Variants in PAFAH1B1 observed in about 807,000 individuals in gnomAD.
PAFAH1B1 encodes platelet activating factor acetylhydrolase 1b regulatory subunit 1.
Under a neutral mutation model 57.5 loss-of-function variants are expected in PAFAH1B1, and 2 were observed. That is an observed-to-expected ratio of 0.03 (90% CI 0.01 to 0.11). PAFAH1B1 has a LOEUF of 0.11. Among genes scored for constraint, PAFAH1B1 ranks in the 10% least tolerant of loss-of-function variants. The pLI is 1.00. For missense variants in PAFAH1B1, 257 were observed against 512.0 expected (o/e 0.50, Z 4.81); for synonymous variants, 152 against 169.6 (o/e 0.90, Z 0.81).
chr17:2,618,471 AAG>A (rs1378561509), intron 1 of PAFAH1B1, among the ~76,000 whole-genome samples: 4 of 152,154 alleles, frequency 2.6e-5, no homozygotes, highest in Non-Finnish European at 4.4e-5. Context: ...TAAGGAAATG[AAG>A]TTACTCTTAC....
At chr17:2,627,644 G>C (rs2068509325) in intron 1 of PAFAH1B1, among the ~76,000 whole-genome samples, 1 of 152,132 alleles carries the variant, frequency 6.6e-6, no homozygotes, top group African/African-American at 2.4e-5. Flanking sequence ...GTATTTTGAT[G>C]GGGATTGTGT....
chr17:2,610,328 G>T (rs2068253698), intron 1 of PAFAH1B1, among the ~76,000 whole-genome samples: 1 of 152,156 alleles, frequency 6.6e-6, no homozygotes, highest in African/African-American at 2.4e-5. Flanking sequence ...AAAAGATAAA[G>T]ATAAAGTCAA....
chr17:2,662,240 G>T (rs1023885073), intron 2 of PAFAH1B1, among the ~76,000 whole-genome samples: 11 of 152,218 alleles, frequency 7.2e-5, no homozygotes, highest in African/African-American at 2.4e-4. Context: ...CGTTATGTTT[G>T]TAATAGTTTG....
intron 1 of PAFAH1B1, among the ~76,000 whole-genome samples, chr17:2,620,733 G>A (rs1488390408): frequency 2.0e-5 from 3 of 151,992 alleles, no homozygotes; most frequent in Admixed American, 6.6e-5. Flanking sequence ...ATGGTGGCGC[G>A]TACCTGTAAT....
intron 1 of PAFAH1B1, among the ~76,000 whole-genome samples, chr17:2,602,093 A>C (rs1214251417): frequency 1.3e-5 from 2 of 150,726 alleles, no homozygotes; most frequent in South Asian, 5.8e-4. Flanking sequence ...CAGTATTACC[A>C]TGATGCTATA....
In PAFAH1B1 at chr17:2,676,626, C is replaced by A. The variant is rs2069272153; in HGVS notation, c.1002+20C>A. 1.4e-6 allele frequency: 2 copies of A among 1,420,148 alleles called. No homozygotes were observed. The highest frequency in any genetic ancestry group is 1.4e-5 in the African/African-American group (1 of 71,206). The allele number at this position is 1,420,148 out of a possible 1,614,324, so 88.0% of individuals were successfully genotyped here. On this transcript the variant is annotated intron_variant, in intron 9 of 10. Coordinates refer to ENST00000397195, the MANE Select transcript of PAFAH1B1 (RefSeq NM_000430.4). ...ACCCTCGTAAGTTTGCATAATCTTA[C>A]CATTTCTTTTGCATCTTCACTGTTT...
At chr17:2,619,951 A>AT (rs1192265654) in intron 1 of PAFAH1B1, among the ~76,000 whole-genome samples, 1 of 151,644 alleles carries the variant, frequency 6.6e-6, no homozygotes. Context: ...GCTAATTATT[A>AT]TTTTTTTATT....
intron 1 of PAFAH1B1, among the ~76,000 whole-genome samples, chr17:2,623,005 G>A (rs1228347525): frequency 3.3e-5 from 5 of 152,222 alleles, no homozygotes; most frequent in Non-Finnish European, 7.3e-5. Flanking sequence ...TTCAGCCACA[G>A]CTGGAGTGGC....
intron 1 of PAFAH1B1, among the ~76,000 whole-genome samples, chr17:2,618,819 G>A (rs1378807677): frequency 6.7e-6 from 1 of 150,074 alleles, no homozygotes; most frequent in East Asian, 2.1e-4. Context: ...GGCCGAGGTA[G>A]GAGAATCACT....
chr17:2,647,440 G>C (rs530661671), intron 2 of PAFAH1B1, among the ~76,000 whole-genome samples: 1 of 152,254 alleles, frequency 6.6e-6, no homozygotes, highest in South Asian at 2.1e-4. Flanking sequence ...TGAAGGCTGA[G>C]GCGTGAGAAT....
At chr17:2,619,536 G>GTTTTTTTTTGT (rs1555521967) in intron 1 of PAFAH1B1, among the ~76,000 whole-genome samples, 1,173 of 45,910 alleles carry the variant, frequency 0.026, 18 homozygotes, top group African/African-American at 0.062. Context: ...GCCCTTACCT[G>GTTTTTTTTTGT]TTTTTTTTTT....
chr17:2,665,821 C>CA (rs2069099670), intron 3 of PAFAH1B1, among the ~76,000 whole-genome samples, 195 bp from the exon 4 acceptor site: 1 of 152,052 alleles, frequency 6.6e-6, no homozygotes, highest in Non-Finnish European at 1.5e-5. Context: ...AGGCTGGTCT[C>CA]AAACTCCAGA....
chr17:2,657,728 TA>T (rs1265841090), intron 2 of PAFAH1B1, among the ~76,000 whole-genome samples: 1 of 152,210 alleles, frequency 6.6e-6, no homozygotes, highest in African/African-American at 2.4e-5. Context: ...GTCTTTGAAT[TA>T]AATTTCATAG....
At position 2,638,204 on chromosome 17, in the gene PAFAH1B1, T is replaced by A; in HGVS notation, c.-85T>A. 1 of 1,083,814 alleles carries A rather than the reference T, an allele frequency of 9.2e-7. No individual in the cohort carries two copies. Among genetic ancestry groups the A allele is most frequent in the African/African-American group, 1.6e-5 (1 of 64,084 alleles). The allele number at this position is 1,083,814 out of a possible 1,614,324, so 67.1% of individuals were successfully genotyped here. A position where few individuals can be genotyped will look rare whatever the true frequency, so the allele number is the denominator to read the frequency against. ...AAGACACTTAGTGGCATATTTAAAT[T>A]ATAAGTCCACGGATCAAAAAGCTTT... On this transcript the variant is annotated 5_prime_UTR_variant, in exon 2 of 11. Coordinates refer to ENST00000397195, the MANE Select transcript of PAFAH1B1 (RefSeq NM_000430.4).
chr17:2,655,480 C>T (rs2068924671), intron 2 of PAFAH1B1, among the ~76,000 whole-genome samples: 1 of 152,088 alleles, frequency 6.6e-6, no homozygotes, highest in Admixed American at 6.6e-5. Context: ...TCAACATCAG[C>T]CTGACCAACA....
At chr17:2,628,314 A>T (rs534121759) in intron 1 of PAFAH1B1, among the ~76,000 whole-genome samples, 1 of 152,240 alleles carries the variant, frequency 6.6e-6, no homozygotes, top group African/African-American at 2.4e-5. Flanking sequence ...CGCTTTTTCT[A>T]CATCTATTGA....
intron 1 of PAFAH1B1, among the ~76,000 whole-genome samples, chr17:2,615,125 T>C (rs920442055): frequency 1.3e-5 from 2 of 152,184 alleles, no homozygotes; most frequent in African/African-American, 2.4e-5. Context: ...AACAATACAA[T>C]ATAACAACTA....
At chr17:2,666,416 C>T (rs908417289) in intron 4 of PAFAH1B1, among the ~76,000 whole-genome samples, 20 of 152,080 alleles carry the variant, frequency 1.3e-4, no homozygotes, top group African/African-American at 4.8e-4. Context: ...AAAATGTGCT[C>T]GTAGACAAGT....
rs755972694 is a variant in PAFAH1B1, at chr17:2,629,037, C to T, written c.-190-9062C>T. 7.9e-5 allele frequency among the ~76,000 whole-genome samples: 12 copies of T among 152,200 alleles called. No homozygotes were observed. In the Middle Eastern group the frequency reaches 0.01, roughly 130 times the overall value. ...AATTTTGTTTTATCTTTTCAAAGAA[C>T]CAGCTTGTTTCATTTATCTTTTGTA... On this transcript the variant is annotated intron_variant, in intron 1 of 10. Transcript: ENST00000397195.
Sources: allele counts gnomAD v4.1 joint callset (sites outside exome capture counted in the v4.1 genomes callset), GRCh38; gene constraint gnomAD v4.1.1; transcripts MANE v1.5; gene names NCBI Gene and HGNC (gene_info 2026-07-23, HGNC 2026-07-21).